Variants in MGAT4C observed in about 807,000 individuals in gnomAD.
MGAT4C encodes alpha-1,3-mannosyl-glycoprotein 4-beta-N-acetylglucosaminyltransferase C.
MGAT4C carries 19 observed loss-of-function variants against 40.1 expected under a neutral mutation model. The observed-to-expected ratio is 0.47, with a 90% CI of 0.33 to 0.70. The LOEUF is 0.70. MGAT4C is among the 30% of genes least tolerant of loss of function. MGAT4C has a pLI of 0.02. For synonymous variants in MGAT4C, 181 were observed against 187.1 expected (o/e 0.97, Z 0.27); for missense variants, 491 against 563.2 (o/e 0.87, Z 1.30).
At chr12:86,628,253 G>A (rs1365337191) in intron 2 of MGAT4C, among the ~76,000 whole-genome samples, 1 of 152,176 alleles carries the variant, frequency 6.6e-6, no homozygotes, top group Non-Finnish European at 1.5e-5. Context: ...TATGTGAAAA[G>A]ACCGAATCTA....
intron 4 of MGAT4C, among the ~76,000 whole-genome samples, chr12:86,317,832 CG>C (rs1358179926): frequency 2.0e-5 from 3 of 151,182 alleles, no homozygotes; most frequent in East Asian, 3.9e-4. Flanking sequence ...TATGGTCTAA[CG>C]TGCCTTTAGC....
chr12:85,965,490 G>C lies in MGAT4C; in HGVS notation c.*13799C>G, dbSNP rs557446380. On this transcript the variant is annotated 3_prime_UTR_variant, in exon 5 of 5. Transcript: ENST00000611864. ...CGGGCGCCTGTACTCCCAGCTACTC[G>C]GGAGGCTGAGGCAGGAGAATGGCGT... The C allele has an allele frequency of 6.6e-6, 1 of 151,358 alleles. No homozygotes were observed. The highest frequency in any genetic ancestry group is 1.5e-5 in the Non-Finnish European group (1 of 67,978). 9.4% of individuals were successfully genotyped at this position (151,358 alleles called of 1,614,324 possible). A position where few individuals can be genotyped will look rare whatever the true frequency, so the allele number is the denominator to read the frequency against.
At chr12:86,718,435 G>T (rs1950684261) in intron 2 of MGAT4C, among the ~76,000 whole-genome samples, 1 of 152,158 alleles carries the variant, frequency 6.6e-6, no homozygotes, top group Admixed American at 6.5e-5. Context: ...CACAATGTCT[G>T]AGGATGGGGT....
intron 4 of MGAT4C, among the ~76,000 whole-genome samples, chr12:86,326,710 G>A (rs1257736614): frequency 1.3e-5 from 2 of 152,038 alleles, no homozygotes; most frequent in Non-Finnish European, 2.9e-5. Flanking sequence ...AAACCCACTT[G>A]AGCCTTTACA....
At chr12:86,267,670 C>A (rs1389294) in intron 4 of MGAT4C, among the ~76,000 whole-genome samples, 130,667 of 152,122 alleles carry the variant, frequency 0.86, 56,195 homozygotes, top group East Asian at 0.95. Context: ...GAGAATGGAA[C>A]GTTATAAAAA....
intron 2 of MGAT4C, among the ~76,000 whole-genome samples, chr12:86,604,653 C>A (rs1027170385): frequency 6.6e-6 from 1 of 152,066 alleles, no homozygotes; most frequent in African/African-American, 2.4e-5. Flanking sequence ...TATTTTAGTC[C>A]GTATTCTTTA....
intron 3 of MGAT4C, among the ~76,000 whole-genome samples, chr12:86,405,524 T>C (rs1045770815): frequency 1.3e-5 from 2 of 152,106 alleles, no homozygotes; most frequent in Middle Eastern, 3.4e-3. Context: ...TATGGATCAA[T>C]TGACTAAACG....
At chr12:86,226,385 A>C (rs1951075506) in intron 1 of MGAT4C, among the ~76,000 whole-genome samples, 1 of 151,952 alleles carries the variant, frequency 6.6e-6, no homozygotes, top group African/African-American at 2.4e-5. Flanking sequence ...GTACCTGGGA[A>C]TCTGTATTTA....
chr12:86,696,481 C>T (rs1300975030), intron 2 of MGAT4C, among the ~76,000 whole-genome samples: 9 of 152,240 alleles, frequency 5.9e-5, no homozygotes, highest in East Asian at 3.9e-4. Flanking sequence ...CACTTAAGTA[C>T]GCTTTAAGCA....
At chr12:85,990,646 T>C (rs1431646983) in intron 2 of MGAT4C, among the ~76,000 whole-genome samples, 2 of 152,038 alleles carry the variant, frequency 1.3e-5, no homozygotes, top group Admixed American at 1.3e-4. Context: ...ATATTAGGAA[T>C]TAGAAGAAAG....
chr12:86,423,601 T>C (rs1565752103), intron 3 of MGAT4C, among the ~76,000 whole-genome samples: 1 of 152,118 alleles, frequency 6.6e-6, no homozygotes, highest in Non-Finnish European at 1.5e-5. Context: ...AGTGTAATAA[T>C]TGAATTATAT....
At chr12:86,456,200 T>C (rs553920809) in intron 2 of MGAT4C, among the ~76,000 whole-genome samples, 1 of 152,132 alleles carries the variant, frequency 6.6e-6, no homozygotes, top group African/African-American at 2.4e-5. Context: ...TGCCAGAATG[T>C]TAGCAAGGCA....
chr12:86,355,013 C>A (rs796280872), intron 3 of MGAT4C, among the ~76,000 whole-genome samples: 1 of 152,174 alleles, frequency 6.6e-6, no homozygotes, highest in Non-Finnish European at 1.5e-5. Context: ...CGCCCTTGTC[C>A]TACTGATTGG....
chr12:86,631,227 A>G (rs1163039915), intron 2 of MGAT4C, among the ~76,000 whole-genome samples: 2 of 152,172 alleles, frequency 1.3e-5, no homozygotes, highest in South Asian at 4.1e-4. Context: ...AAGGAGAACT[A>G]CAAACCACTG....
chr12:86,562,206 T>C (rs1317890389), intron 2 of MGAT4C, among the ~76,000 whole-genome samples: 1 of 152,192 alleles, frequency 6.6e-6, no homozygotes, highest in Non-Finnish European at 1.5e-5. Flanking sequence ...AAGACTGTTC[T>C]GAGTGGGAAT....
At chr12:86,232,310 T>C (rs1296704617) in intron 1 of MGAT4C, among the ~76,000 whole-genome samples, 1 of 152,212 alleles carries the variant, frequency 6.6e-6, no homozygotes, top group African/African-American at 2.4e-5. Flanking sequence ...ATTCTTACTT[T>C]GGTGATTGGC....
At position 85,957,286 on chromosome 12, in the gene MGAT4C, A is replaced by G. The variant is rs1882844355; in HGVS notation, c.*22003T>C. 1 of 152,194 alleles carries G rather than the reference A, an allele frequency of 6.6e-6. No individual in the cohort carries two copies. The highest frequency in any genetic ancestry group is 2.1e-4 in the South Asian group (1 of 4,832). The allele number at this position is 152,194 out of a possible 1,614,324, so 9.4% of individuals were successfully genotyped here. A position where few individuals can be genotyped will look rare whatever the true frequency, so the allele number is the denominator to read the frequency against. ...ATATTATTTGTGAAAGACCAAGGCC[A>G]AGGATCTTGCCCCTCATTCTATAAT... On this transcript the variant is annotated 3_prime_UTR_variant, in exon 5 of 5. Transcript: ENST00000611864.
At chr12:86,093,286 A>T (rs927771035) in intron 1 of MGAT4C, among the ~76,000 whole-genome samples, 1 of 152,134 alleles carries the variant, frequency 6.6e-6, no homozygotes, top group East Asian at 1.9e-4. Context: ...TCATACAGCT[A>T]AAGTTCTCAT....
At chr12:86,298,605 T>G (rs1953736851) in intron 4 of MGAT4C, among the ~76,000 whole-genome samples, 1 of 152,140 alleles carries the variant, frequency 6.6e-6, no homozygotes, top group African/African-American at 2.4e-5. Flanking sequence ...TGGCAAAGCT[T>G]AAATAATTAA....
Sources: allele counts gnomAD v4.1 joint callset (sites outside exome capture counted in the v4.1 genomes callset), GRCh38; gene constraint gnomAD v4.1.1; transcripts MANE v1.5; gene names NCBI Gene and HGNC (gene_info 2026-07-23, HGNC 2026-07-21).